MAGI1: variants seen among roughly 807,000 people sequenced by gnomAD.
The protein encoded by MAGI1 is membrane-associated guanylate kinase, WW and PDZ domain-containing protein 1.
A neutral mutation model predicts 139.9 loss-of-function variants in MAGI1; 58 were observed. The observed-to-expected ratio is 0.41, with a 90% confidence interval of 0.34 to 0.52. The LOEUF (loss-of-function observed/expected upper bound fraction) is 0.52. MAGI1 is among the 20% of genes least tolerant of loss of function. The pLI, the probability that MAGI1 is intolerant of heterozygous loss-of-function variation, is 0.12. For synonymous variants in MAGI1, 812 were observed against 737.9 expected (o/e 1.10, Z -1.63); for missense variants, 1,874 against 1,901.6 (o/e 0.99, Z 0.27).
intron 1 of MAGI1, among the ~76,000 whole-genome samples, chr3:65,759,915 G>T (rs1373724017): frequency 6.6e-6 from 1 of 152,024 alleles, no homozygotes; most frequent in African/African-American, 2.4e-5. Context: ...TTCAAATTTT[G>T]GCTCTAGTGT....
chr3:65,986,620 T>TG (rs1443773741), intron 1 of MAGI1, among the ~76,000 whole-genome samples: 1 of 152,212 alleles, frequency 6.6e-6, no homozygotes, highest in Admixed American at 6.5e-5. Flanking sequence ...AGCTTGGTTC[T>TG]GGCTCAGGTT....
At chr3:65,550,698 C>T (rs2079782435) in intron 2 of MAGI1, among the ~76,000 whole-genome samples, 1 of 152,076 alleles carries the variant, frequency 6.6e-6, no homozygotes, top group Non-Finnish European at 1.5e-5. Flanking sequence ...AGCACCATAG[C>T]TCATGCTTAC....
chr3:65,403,735 G>T (rs1406838280), intron 12 of MAGI1, among the ~76,000 whole-genome samples: 1 of 152,144 alleles, frequency 6.6e-6, no homozygotes, highest in Non-Finnish European at 1.5e-5. Flanking sequence ...CTAATCATTT[G>T]TAAGACTCTG....
rs1940089126 is a variant in MAGI1, at chr3:65,353,689, T to C, written c.*2689A>G. ...CGGAGGGAGACAAATTCCTAAATCG[T>C]TTGATTTCATCATACAAAATACTCA... On this transcript the variant is annotated 3_prime_UTR_variant, in exon 23 of 23. Coordinates refer to ENST00000402939, the MANE Select transcript of MAGI1 (RefSeq NM_001033057.2). 6.6e-6 allele frequency: 1 copy of C among 152,196 alleles called. No individual in the cohort carries two copies. Among genetic ancestry groups the C allele is most frequent in the African/African-American group, 2.4e-5 (1 of 41,448 alleles). The allele number at this position is 152,196 out of a possible 1,614,324, so 9.4% of individuals were successfully genotyped here. A position where few individuals can be genotyped will look rare whatever the true frequency, so the allele number is the denominator to read the frequency against.
intron 1 of MAGI1, among the ~76,000 whole-genome samples, chr3:65,713,191 G>A (rs996614706): frequency 1.8e-4 from 28 of 152,070 alleles, no homozygotes; most frequent in African/African-American, 6.5e-4. Flanking sequence ...AAACATTCTG[G>A]TTGCTTGAGT....
intron 1 of MAGI1, among the ~76,000 whole-genome samples, chr3:65,695,006 G>A (rs1275802610): frequency 1.3e-5 from 2 of 152,142 alleles, no homozygotes; most frequent in East Asian, 3.8e-4. Context: ...GTGCTCAAGG[G>A]AATATTTAGT....
At chr3:65,703,178 T>C (rs1028493933) in intron 1 of MAGI1, among the ~76,000 whole-genome samples, 1 of 152,176 alleles carries the variant, frequency 6.6e-6, no homozygotes, top group East Asian at 1.9e-4. Flanking sequence ...TTTGCTGCTA[T>C]ACGTGCTTCC....
At chr3:65,779,623 A>G (rs1441460198) in intron 1 of MAGI1, among the ~76,000 whole-genome samples, 1 of 152,236 alleles carries the variant, frequency 6.6e-6, no homozygotes, top group African/African-American at 2.4e-5. Flanking sequence ...GCCCCTTCCC[A>G]GAAAAACTCA....
chr3:65,438,317 G>T (rs1947989011), intron 9 of MAGI1, among the ~76,000 whole-genome samples: 2 of 152,138 alleles, frequency 1.3e-5, no homozygotes, highest in South Asian at 4.1e-4. Flanking sequence ...CTGAGTGGGA[G>T]CTAAATAATG....
At chr3:65,800,835 T>G (rs574034253) in intron 1 of MAGI1, among the ~76,000 whole-genome samples, 1 of 152,236 alleles carries the variant, frequency 6.6e-6, no homozygotes, top group Non-Finnish European at 1.5e-5. Flanking sequence ...TTAGAGTGAA[T>G]CTATTTGTCA....
At chr3:65,529,275 T>C (rs974118315) in intron 2 of MAGI1, among the ~76,000 whole-genome samples, 1 of 152,170 alleles carries the variant, frequency 6.6e-6, no homozygotes, top group African/African-American at 2.4e-5. Context: ...TGACAGTACA[T>C]TCATAATGTT....
intron 2 of MAGI1, among the ~76,000 whole-genome samples, chr3:65,554,612 G>C (rs1295586472): frequency 6.6e-6 from 1 of 152,124 alleles, no homozygotes; most frequent in Non-Finnish European, 1.5e-5. Flanking sequence ...GATACTTTTA[G>C]GCACAGTTCA....
intron 1 of MAGI1, among the ~76,000 whole-genome samples, chr3:65,839,767 T>G (rs919288317): frequency 2.6e-5 from 4 of 152,126 alleles, no homozygotes; most frequent in African/African-American, 9.7e-5. Flanking sequence ...TTATCAAAAT[T>G]CAAGACTTTT....
At chr3:65,902,492 C>T (rs1450355094) in intron 1 of MAGI1, 1 of 152,550 alleles carries the variant, frequency 6.6e-6, no homozygotes, top group Admixed American at 6.5e-5. Flanking sequence ...AAAGTAAGCT[C>T]CTACAAGTCA....
At chr3:65,562,693 CT>C (rs1350933044) in intron 2 of MAGI1, among the ~76,000 whole-genome samples, 1 of 152,130 alleles carries the variant, frequency 6.6e-6, no homozygotes, top group Admixed American at 6.6e-5. Flanking sequence ...GGTAAACTTC[CT>C]TTTGTAATAA....
intron 1 of MAGI1, among the ~76,000 whole-genome samples, chr3:66,035,620 T>C (rs953375818): frequency 2.0e-5 from 3 of 152,090 alleles, no homozygotes; most frequent in Non-Finnish European, 4.4e-5. Flanking sequence ...CTGCAATGAA[T>C]TCCAGGCCAT....
At chr3:65,624,001 T>A (rs1576514576) in intron 1 of MAGI1, among the ~76,000 whole-genome samples, 1 of 152,270 alleles carries the variant, frequency 6.6e-6, no homozygotes, top group East Asian at 1.9e-4. Flanking sequence ...GGAATATATG[T>A]GACTATTAAG....
intron 1 of MAGI1, among the ~76,000 whole-genome samples, chr3:66,015,791 G>C (rs1374703643): frequency 6.6e-6 from 1 of 151,968 alleles, no homozygotes; most frequent in Admixed American, 6.6e-5. Flanking sequence ...AAAGTTTATT[G>C]GAAAATGTCT....
chr3:65,712,455 GAAAAA>G (rs759022188), intron 1 of MAGI1, among the ~76,000 whole-genome samples: 140 of 87,794 alleles, frequency 1.6e-3, no homozygotes, highest in African/African-American at 5.5e-3. Flanking sequence ...CCCCAAGCAA[GAAAAA>G]AAAAAAAAAA....
Sources: allele counts gnomAD v4.1 joint callset (sites outside exome capture counted in the v4.1 genomes callset), GRCh38; gene constraint gnomAD v4.1.1; transcripts MANE v1.5; gene names NCBI Gene and HGNC (gene_info 2026-07-23, HGNC 2026-07-21).